The following GALNT9 variants were observed in gnomAD, a reference collection of about 807,000 sequenced individuals.
GALNT9 encodes GalNAc transferase 9.
In GALNT9, 47 loss-of-function variants were observed where a neutral mutation model predicts 63.1. The observed-to-expected ratio is 0.75, with a 90% CI of 0.59 to 0.95. The LOEUF is 0.95. GALNT9 is among the 40% of genes least tolerant of loss of function. GALNT9 has a pLI of 0.00. For synonymous variants in GALNT9, 396 were observed against 365.7 expected (o/e 1.08, Z -0.94); for missense variants, 829 against 874.8 (o/e 0.95, Z 0.66).
intron 1 of GALNT9, among the ~76,000 whole-genome samples, chr12:132,303,387 ACAGCCTCGCCCGGG>A (rs1881388007): frequency 7.1e-6 from 1 of 141,366 alleles, no homozygotes; most frequent in African/African-American, 2.9e-5. Flanking sequence ...TCTCCGGGGC[ACAGCCTCGCCCGGG>A]CACACCCTCA....
In GALNT9 at chr12:132,315,313, TCCC is replaced by T. The variant is rs1555245624; in HGVS notation, c.238+13650_238+13652del. On this transcript the variant is annotated intron_variant, in intron 1 of 10. Coordinates refer to ENST00000328957, the MANE Select transcript of GALNT9 (RefSeq NM_001122636.2). This position sits in a 1 kb window ranked among gnomAD's most constrained non-coding sequence, Gnocchi z 6.1. ...GCCTCAGAATATAATCAGGGCGGCC[TCCC>T]CCGTGTCCACTGCAAAGTGCTGGAG... 8.4e-5 allele frequency among the ~76,000 whole-genome samples: 12 copies of T among 142,150 alleles called. No homozygotes were observed. The highest frequency in any genetic ancestry group is 2.7e-4 in the African/African-American group (9 of 33,646). The allele number at this position is 142,150 out of a possible 152,430, so 93.3% of individuals were successfully genotyped here.
At chr12:132,323,817 G>A (rs373925899) in intron 1 of GALNT9, among the ~76,000 whole-genome samples, 70 of 152,340 alleles carry the variant, frequency 4.6e-4, no homozygotes, top group Middle Eastern at 3.4e-3. Context: ...CGGCCGGGGC[G>A]GGGGCCCGGA....
At chr12:132,324,864 C>T (rs1868968602) in intron 1 of GALNT9, among the ~76,000 whole-genome samples, 1 of 152,226 alleles carries the variant, frequency 6.6e-6, no homozygotes, top group African/African-American at 2.4e-5. Flanking sequence ...GTGGCGAAGG[C>T]AGCCTGGGGA....
In GALNT9 at chr12:132,284,610, T is replaced by C. The variant is rs1593104319; in HGVS notation, c.419+1640A>G. The stretch of plus-strand genomic sequence containing the variant: ...AAAATAAAATAATGTTGTCACACTC[T>C]GGATGTGGCTGAGGTGTCCAAGCCT... On this transcript the variant is annotated intron_variant, in intron 2 of 10. Transcript: ENST00000328957. The C allele has an allele frequency of 2.0e-5, 3 of 152,278 alleles. No individual in the cohort carries two copies. The South Asian group carries it at 6.2e-4, about 31-fold the overall frequency. 9.4% of individuals were successfully genotyped at this position (152,278 alleles called of 1,614,324 possible).
chr12:132,273,331 C>T (rs1175671818), intron 2 of GALNT9: 1 of 152,366 alleles, frequency 6.6e-6, no homozygotes, highest in Non-Finnish European at 1.5e-5. Flanking sequence ...CCATGTTGGC[C>T]AGGCTGGTCT....
At chr12:132,203,931 A>G (rs957849241) in intron 6 of GALNT9, among the ~76,000 whole-genome samples, 3 of 152,042 alleles carry the variant, frequency 2.0e-5, no homozygotes, top group African/African-American at 7.2e-5. Flanking sequence ...CTTGTGCGTT[A>G]CACGATGGCT....
rs574897780 is a variant in GALNT9, at chr12:132,320,415, G to A, written c.238+8551C>T. Among the ~76,000 whole-genome samples, 25 of 152,356 alleles carry A rather than the reference G, an allele frequency of 1.6e-4. No individual in the cohort carries two copies. In the East Asian group the frequency reaches 3.3e-3, roughly 20 times the overall value. ...TTTCTGGATTCCTGGGGAATCTGTC[G>A]TCTCTACAGAAGCTTGAGTTCATAT... On this transcript the variant is annotated intron_variant, in intron 1 of 10. Coordinates refer to ENST00000328957, the MANE Select transcript of GALNT9 (RefSeq NM_001122636.2).
At chr12:132,288,842 C>T (rs569790234) in intron 1 of GALNT9, among the ~76,000 whole-genome samples, 16 of 146,394 alleles carry the variant, frequency 1.1e-4, no homozygotes, top group Non-Finnish European at 2.1e-4. Flanking sequence ...GACGGCTGCC[C>T]GATGCCCGGC....
At chr12:132,197,302 C>T in intron 10 of GALNT9, 49 bp from the exon 11 acceptor site, 1 of 1,594,984 alleles carries the variant, frequency 6.3e-7, no homozygotes, top group South Asian at 1.1e-5. Flanking sequence ...GTCCTTGTTC[C>T]CCCTCCCCCC....
intron 1 of GALNT9, among the ~76,000 whole-genome samples, chr12:132,291,603 A>G (rs1268959404): frequency 1.1e-4 from 10 of 92,490 alleles, no homozygotes; most frequent in Admixed American, 4.9e-4. Context: ...CATCCACACC[A>G]CCCACCTCCA....
chr12:132,248,303 T>G (rs1255968769), intron 5 of GALNT9, among the ~76,000 whole-genome samples: 1 of 152,094 alleles, frequency 6.6e-6, no homozygotes, highest in Non-Finnish European at 1.5e-5. Flanking sequence ...CAGCTTAGTG[T>G]AGGAGGTTTA....
At chr12:132,199,487 A>G (rs1242510692) in intron 8 of GALNT9, among the ~76,000 whole-genome samples, 2 of 151,966 alleles carry the variant, frequency 1.3e-5, no homozygotes, top group African/African-American at 4.8e-5. Flanking sequence ...GCACAGATGG[A>G]GACTTGGCCA....
chr12:132,204,593 C>T (rs956218789), intron 6 of GALNT9, among the ~76,000 whole-genome samples: 17 of 152,170 alleles, frequency 1.1e-4, no homozygotes, highest in South Asian at 2.1e-4. Context: ...GCCTGCCAGC[C>T]GACGGCCAAT....
intron 6 of GALNT9, among the ~76,000 whole-genome samples, chr12:132,221,264 C>T (rs1332432653): frequency 1.9e-5 from 2 of 106,794 alleles, no homozygotes; most frequent in Non-Finnish European, 3.6e-5. Flanking sequence ...GAGGCAGCAG[C>T]ATCACTTGAA....
Position 132,279,140 on chromosome 12 carries a change from G to GCTGCTCCCCAGCTGCT in GALNT9, c.419+7094_419+7109dup, listed in dbSNP as rs1367379143. 5 of 152,366 alleles carry GCTGCTCCCCAGCTGCT rather than the reference G, an allele frequency of 3.3e-5. No individual in the cohort carries two copies. The highest frequency in any genetic ancestry group is 4.1e-4 in the South Asian group (2 of 4,838). 9.4% of individuals were successfully genotyped at this position (152,366 alleles called of 1,614,324 possible). ...CCCAGTAACCCAGGTTTCTGCTGGG[G>GCTGCTCCCCAGCTGCT]CTGCTCCCCAGCTGCTCTGCTCCCC... On this transcript the variant is annotated intron_variant, in intron 2 of 10. Coordinates refer to ENST00000328957, the MANE Select transcript of GALNT9 (RefSeq NM_001122636.2). This position sits in a 1 kb window ranked among gnomAD's most constrained non-coding sequence, Gnocchi z 4.1.
intron 6 of GALNT9, among the ~76,000 whole-genome samples, chr12:132,228,731 T>C (rs1234922685): frequency 1.3e-5 from 2 of 151,942 alleles, no homozygotes; most frequent in Non-Finnish European, 2.9e-5. Context: ...TGTCCGAGCG[T>C]TTCAAGACAG....
At chr12:132,287,517 C>T (rs538238023) in intron 1 of GALNT9, among the ~76,000 whole-genome samples, 2 of 152,276 alleles carry the variant, frequency 1.3e-5, no homozygotes, top group East Asian at 1.9e-4. Flanking sequence ...AGGCAGCAGC[C>T]GAGACGTGGC....
intron 3 of GALNT9, among the ~76,000 whole-genome samples, chr12:132,262,229 C>T (rs548570950): frequency 2.0e-5 from 3 of 152,230 alleles, no homozygotes; most frequent in Admixed American, 1.3e-4. Flanking sequence ...TGGGAGAGGC[C>T]GCATAATGGA....
At position 132,257,819 on chromosome 12, in the gene GALNT9, T is replaced by A. The variant is rs781891889; in HGVS notation, c.829A>T (p.Ile277Phe). ...RRIVLPAIDNIKYSTFEVQQY... is the reference protein window; with the variant it reads ...RRIVLPAIDNFKYSTFEVQQY... ...TGCACCTCAAACGTGCTGTACTTGA[T>A]GTTGTCGATGGCTGGCAGCACGATG... is the stretch of plus-strand genomic sequence containing the variant. Residue 277 changes from isoleucine (I) to phenylalanine (F), a missense_variant, in exon 5 of 11, where the codon ATC becomes TTC. Ile to Phe is a conservative substitution (Grantham distance 21, BLOSUM62 0). Transcript: ENST00000328957. The A allele has an allele frequency of 6.5e-7, 1 of 1,550,168 alleles. No homozygotes were observed. Among genetic ancestry groups the A allele is most frequent in the Admixed American group, 2.0e-5 (1 of 50,984 alleles).
Sources: allele counts gnomAD v4.1 joint callset (sites outside exome capture counted in the v4.1 genomes callset), GRCh38; gene constraint gnomAD v4.1.1; non-coding constraint Gnocchi (gnomAD v3.1); transcripts MANE v1.5; gene names NCBI Gene and HGNC (gene_info 2026-07-23, HGNC 2026-07-21).